Variants in OR2T6 observed in about 807,000 individuals in gnomAD.
OR2T6 encodes the protein olfactory receptor 2T6.
For missense variants in OR2T6, 424 were observed against 391.6 expected (o/e 1.08, Z -0.70); for synonymous variants, 174 against 148.0 (o/e 1.18, Z -1.27).
chr1:248,387,888 T>C lies in OR2T6; in HGVS notation c.280T>C (p.Phe94Leu), dbSNP rs1181783113. Residue 94 changes from phenylalanine to leucine, a missense_variant, in exon 3 of 3, where the codon TTC (phenylalanine) becomes CTC (leucine). Physicochemically the swap from Phe to Leu is conservative, Grantham distance 22 (BLOSUM62 0). Transcript: ENST00000641644. ...TCTCATGGGCGAGGGGACCATCTCT[T>C]TCATCGCCTGCACTGCTCAGTGCTT... ...DYLMGEGTIS[F>L]IACTAQCFLY... 5.6e-6 allele frequency: 9 copies of C among 1,596,512 alleles called. No individual in the cohort carries two copies. The highest frequency in any genetic ancestry group is 1.7e-5 in the Admixed American group (1 of 59,250).
In OR2T6 at chr1:248,388,856, A is replaced by G. The variant is rs1661198625; in HGVS notation, c.*321A>G. Reference sequence around the variant, plus strand: ...GAATGCCCCAAAATGTTGAGTTAATATTACATATTCTGCCCATTTTCAATG... The same window carrying G: ...GAATGCCCCAAAATGTTGAGTTAATGTTACATATTCTGCCCATTTTCAATG... On this transcript the variant is annotated 3_prime_UTR_variant, in exon 3 of 3. Transcript: ENST00000641644. The G allele has an allele frequency of 3.1e-6, 1 of 321,750 alleles. No individual in the cohort carries two copies. Among genetic ancestry groups the G allele is most frequent in the South Asian group, 1.3e-4 (1 of 7,666 alleles). 19.9% of individuals were successfully genotyped at this position (321,750 alleles called of 1,614,324 possible).
Position 248,388,732 on chromosome 1 carries a change from C to T in OR2T6, c.*197C>T, listed in dbSNP as rs183417535. 6 of 470,494 alleles carry T rather than the reference C, an allele frequency of 1.3e-5. No homozygotes were observed. Among genetic ancestry groups the T allele is most frequent in the East Asian group, 9.1e-5 (3 of 33,030 alleles). The allele number at this position is 470,494 out of a possible 1,614,324, so 29.1% of individuals were successfully genotyped here. A position where few individuals can be genotyped will look rare whatever the true frequency, so the allele number is the denominator to read the frequency against. ...CTGTAACAGTCACACACAAATAATGCCAGAGTTCTAGAAACACCACTCATG... is the reference window on the plus strand; with the variant it reads ...CTGTAACAGTCACACACAAATAATGTCAGAGTTCTAGAAACACCACTCATG... On this transcript the variant is annotated 3_prime_UTR_variant, in exon 3 of 3. Coordinates refer to ENST00000641644, the MANE Select transcript of OR2T6 (RefSeq NM_001005471.2).
At chr1:248,381,482 A>G (rs938596788) in intron 1 of OR2T6, among the ~76,000 whole-genome samples, 5 of 152,088 alleles carry the variant, frequency 3.3e-5, no homozygotes, top group Non-Finnish European at 7.4e-5. Flanking sequence ...TTGAATGTAT[A>G]AATACATAAA....
At chr1:248,378,490 C>T (rs1039548454) in intron 1 of OR2T6, among the ~76,000 whole-genome samples, 1 of 152,186 alleles carries the variant, frequency 6.6e-6, no homozygotes, top group South Asian at 2.1e-4. Context: ...TAAACTCTAC[C>T]TTTCCCAGTT....
intron 1 of OR2T6, among the ~76,000 whole-genome samples, chr1:248,382,806 G>A (rs530112952): frequency 6.6e-6 from 1 of 152,258 alleles, no homozygotes; most frequent in African/African-American, 2.4e-5. Flanking sequence ...TTACAGGGGT[G>A]AGCCACCGTG....
rs762305608 is a variant in OR2T6, at chr1:248,388,375, T to C, written c.767T>C (p.Leu256Ser). 1.9e-6 allele frequency: 3 copies of C among 1,613,466 alleles called. No homozygotes were observed. The highest frequency in any genetic ancestry group is 4.5e-5 in the East Asian group (2 of 44,866). ...MVVTLFYGAA[L>S]YTYTLPQSYH... ...GTGACATTGTTCTATGGGGCTGCCT[T>C]GTATACGTATACGCTTCCCCAATCT... Residue 256 changes from leucine to serine, a missense_variant, in exon 3 of 3, where the codon TTG becomes TCG. By Grantham distance (145) the Leu-to-Ser change is moderately radical. Transcript: ENST00000641644.
chr1:248,382,063 A>C (rs28496519), intron 1 of OR2T6, among the ~76,000 whole-genome samples: 60,318 of 152,138 alleles, frequency 0.4, 14,276 homozygotes, highest in Non-Finnish European at 0.53. Flanking sequence ...AAATGGATAC[A>C]AAAGTAATTT....
chr1:248,378,359 GT>G (rs1457691223), intron 1 of OR2T6, among the ~76,000 whole-genome samples: 8 of 152,166 alleles, frequency 5.3e-5, no homozygotes, highest in Non-Finnish European at 1.0e-4. Context: ...TCATAAAAAA[GT>G]TTTCATAAAG....
intron 2 of OR2T6, among the ~76,000 whole-genome samples, chr1:248,386,589 C>A (rs547403391): frequency 6.6e-6 from 1 of 152,288 alleles, no homozygotes; most frequent in East Asian, 1.9e-4. Context: ...TTACAAACTG[C>A]AACTCAATTC....
Sources: gnomAD v4.1 joint callset for allele counts (sites outside exome capture counted in the v4.1 genomes callset) on GRCh38, gnomAD v4.1.1 for gene constraint, MANE v1.5 for transcripts, NCBI Gene and HGNC (gene_info 2026-07-23, HGNC 2026-07-21) for gene names.